Variants in HSD17B12 observed in about 807,000 individuals in gnomAD.
HSD17B12 encodes hydroxysteroid 17-beta dehydrogenase 12.
HSD17B12 carries 32 observed loss-of-function variants against 39.3 expected under a neutral mutation model. The observed-to-expected ratio is 0.81, with a 90% CI of 0.61 to 1.09. The LOEUF is 1.09. Among genes scored for constraint, HSD17B12 ranks in the 50% least tolerant of loss-of-function variants. HSD17B12 has a pLI of 0.00. For synonymous variants in HSD17B12, 150 were observed against 146.7 expected (o/e 1.02, Z -0.16); for missense variants, 342 against 382.9 (o/e 0.89, Z 0.89).
intron 6 of HSD17B12, among the ~76,000 whole-genome samples, chr11:43,826,401 T>A (rs1235333342): frequency 6.6e-6 from 1 of 152,188 alleles, no homozygotes; most frequent in Non-Finnish European, 1.5e-5. Flanking sequence ...CATTCTTTTT[T>A]AAAATTTTGT....
chr11:43,738,056 CAAA>C (rs759642092), intron 1 of HSD17B12, among the ~76,000 whole-genome samples: 9 of 94,848 alleles, frequency 9.5e-5, no homozygotes, highest in Admixed American at 1.2e-4. Flanking sequence ...GACTCTGTCC[CAAA>C]AAAAAAAAAA....
the HSD17B12 span, among the ~76,000 whole-genome samples, chr11:43,671,994 G>T: frequency 1.3e-5 from 2 of 152,220 alleles, no homozygotes; most frequent in African/African-American, 4.8e-5. Flanking sequence ...ATGAATGTGA[G>T]TCTAAGTTCT....
the HSD17B12 span, among the ~76,000 whole-genome samples, chr11:43,650,832 GA>G: frequency 3.9e-5 from 6 of 152,254 alleles, no homozygotes. Flanking sequence ...ATATTAAATG[GA>G]AAATTCTGGA....
At chr11:43,848,122 GT>G (rs1199749290) in intron 9 of HSD17B12, among the ~76,000 whole-genome samples, 1 of 152,126 alleles carries the variant, frequency 6.6e-6, no homozygotes, top group Non-Finnish European at 1.5e-5. Context: ...AATAGAGTGT[GT>G]CTTTTGTGCA....
chr11:43,641,223 T>C, the HSD17B12 span, among the ~76,000 whole-genome samples: 1 of 25,846 alleles, frequency 3.9e-5, no homozygotes, highest in East Asian at 2.8e-3. Context: ...AAAAGATTAA[T>C]TTGTTGGGGA....
In HSD17B12 at chr11:43,680,946, G is replaced by GGAAT. The variant is rs1949737608; in HGVS notation, c.122_125dup (p.Ala43Ter). 6.2e-7 allele frequency: 1 copy of GGAAT among 1,611,136 alleles called. No homozygotes were observed. Among genetic ancestry groups the GGAAT allele is most frequent in the South Asian group, 1.1e-5 (1 of 90,990 alleles). ...ACGGCCCTCCGGGTCTGGGGAGTGG[G>GGAAT]GAATGAGGCGGGGGTCGGCCCGGGG... On this transcript the variant is annotated frameshift_variant, in exon 1 of 11. Transcript: ENST00000278353. LOFTEE classifies it high-confidence loss of function.
At chr11:43,669,110 TAA>T in the HSD17B12 span, among the ~76,000 whole-genome samples, 643 of 150,382 alleles carry the variant, frequency 4.3e-3, 1 homozygote, top group Non-Finnish European at 6.2e-3. Flanking sequence ...GATGCTGAGT[TAA>T]AAAAAAAAAA....
the HSD17B12 span, among the ~76,000 whole-genome samples, chr11:43,634,750 A>C: frequency 6.6e-6 from 1 of 152,220 alleles, no homozygotes; most frequent in Non-Finnish European, 1.5e-5. Flanking sequence ...GGTCCCACAG[A>C]AGATGGGCTT....
the HSD17B12 span, among the ~76,000 whole-genome samples, chr11:43,616,989 A>AG: frequency 6.6e-6 from 1 of 151,438 alleles, no homozygotes; most frequent in East Asian, 1.9e-4. Context: ...AAAAAAAAAA[A>AG]AAAGAAAAAG....
At position 43,690,375 on chromosome 11, in the gene HSD17B12, TATATATATATATATATATATATATATATA is replaced by T. The variant is rs1949844109; in HGVS notation, c.160+9389_160+9417del. 3.6e-4 allele frequency among the ~76,000 whole-genome samples: 5 copies of T among 13,786 alleles called. No individual in the cohort carries two copies. The South Asian group carries it at 0.011, about 30-fold the overall frequency. The allele number at this position is 13,786 out of a possible 152,430, so 9.0% of individuals were successfully genotyped here. ...AGGTATTCATACATATATATATATA[TATATATATATATATATATATATATATATA>T]TTTTTTTTTTTTTTTTTCTGAGACA... On this transcript the variant is annotated intron_variant, in intron 1 of 10. Coordinates refer to ENST00000278353, the MANE Select transcript of HSD17B12 (RefSeq NM_016142.3).
chr11:43,781,515 T>G (rs1346782786), intron 3 of HSD17B12, among the ~76,000 whole-genome samples: 2 of 152,188 alleles, frequency 1.3e-5, no homozygotes, highest in Non-Finnish European at 2.9e-5. Context: ...AAAAAAGATC[T>G]GCAAGATAAC....
chr11:43,677,561 A>C (rs910169499), upstream of HSD17B12, among the ~76,000 whole-genome samples: 1 of 152,152 alleles, frequency 6.6e-6, no homozygotes, highest in African/African-American at 2.4e-5. Context: ...CATTTACATT[A>C]GGTTTATCTC....
At chr11:43,848,197 A>G (rs1951497015) in intron 9 of HSD17B12, among the ~76,000 whole-genome samples, 2 of 152,220 alleles carry the variant, frequency 1.3e-5, no homozygotes, top group African/African-American at 4.8e-5. Context: ...ATGTTCATGT[A>G]TGGCCAACTA....
chr11:43,558,396 A>G, the HSD17B12 span, among the ~76,000 whole-genome samples: 2 of 145,858 alleles, frequency 1.4e-5, no homozygotes, highest in Non-Finnish European at 3.0e-5. Context: ...AACCTCATCA[A>G]TGGGAATTCC....
the HSD17B12 span, among the ~76,000 whole-genome samples, chr11:43,665,759 GCA>G: frequency 1.3e-5 from 2 of 151,964 alleles, no homozygotes; most frequent in South Asian, 4.1e-4. Context: ...CTCTACACAC[GCA>G]CACACGCGCA....
chr11:43,602,513 G>A, the HSD17B12 span, among the ~76,000 whole-genome samples: 1 of 152,140 alleles, frequency 6.6e-6, no homozygotes, highest in South Asian at 2.1e-4. Context: ...CTCCATGAGA[G>A]CAGGAATTTG....
At chr11:43,621,536 G>A in the HSD17B12 span, among the ~76,000 whole-genome samples, 66 of 152,092 alleles carry the variant, frequency 4.3e-4, no homozygotes, top group Admixed American at 1.1e-3. Context: ...GCAACATGGC[G>A]AAACTCCCTC....
intron 3 of HSD17B12, among the ~76,000 whole-genome samples, chr11:43,788,685 CAAAAAA>C (rs57970272): frequency 1.1e-3 from 109 of 100,888 alleles, no homozygotes; most frequent in Middle Eastern, 0.01. Context: ...TTTCCTTCCT[CAAAAAA>C]AAAAAAAAAA....
upstream of HSD17B12, among the ~76,000 whole-genome samples, chr11:43,676,208 G>GGTGTGTGTGTGTGTGTGT (rs56092553): frequency 1.2e-3 from 183 of 147,726 alleles, 2 homozygotes; most frequent in African/African-American, 4.0e-3. Context: ...AGAGGAAGAG[G>GGTGTGTGTGTGTGTGTGT]GTGTGTGTGT....
Sources: allele counts gnomAD v4.1 joint callset (sites outside exome capture counted in the v4.1 genomes callset), GRCh38; gene constraint gnomAD v4.1.1; transcripts MANE v1.5; gene names NCBI Gene and HGNC (gene_info 2026-07-23, HGNC 2026-07-21).